The following PTCHD4 variants were observed in gnomAD, a reference collection of about 807,000 sequenced individuals.
PTCHD4 encodes patched domain-containing protein 4.
Under a neutral mutation model 58.1 loss-of-function variants are expected in PTCHD4, and 33 were observed. The ratio of observed to expected loss-of-function variants is 0.57; its 90% CI spans 0.43 to 0.76. PTCHD4 has a LOEUF of 0.76. Ranked by LOEUF, PTCHD4 falls within the 30% of genes least tolerant of loss-of-function variation. The pLI is 0.00. For missense variants in PTCHD4, 1,058 were observed against 1,027.1 expected (o/e 1.03, Z -0.41); for synonymous variants, 478 against 409.6 (o/e 1.17, Z -2.02).
chr6:47,971,524 C>T (rs1164874475), intron 4 of PTCHD4, among the ~76,000 whole-genome samples: 1 of 152,128 alleles, frequency 6.6e-6, no homozygotes, highest in Non-Finnish European at 1.5e-5. Flanking sequence ...AAATTGGCAC[C>T]TGGTACTATA....
chr6:48,058,805 A>T (rs1764509382), intron 3 of PTCHD4, among the ~76,000 whole-genome samples: 1 of 152,214 alleles, frequency 6.6e-6, no homozygotes, highest in African/African-American at 2.4e-5. Context: ...TAGCAAAGAG[A>T]GGTCACATTC....
rs1763718718 is a variant in PTCHD4 at position 47,871,784 on chromosome 6, A to C, written c.*6519T>G. 6.6e-6 allele frequency among the ~76,000 whole-genome samples: 1 copy of C among 151,626 alleles called. No individual in the cohort carries two copies. Among genetic ancestry groups the C allele is most frequent in the Admixed American group, 6.6e-5 (1 of 15,164 alleles). Reference sequence around the variant, plus strand: ...CTCTGCCCTTTTCAATCTGTGACAGATTTCCTAGTTCAGAGCAAAAAAGTC... The same window carrying C: ...CTCTGCCCTTTTCAATCTGTGACAGCTTTCCTAGTTCAGAGCAAAAAAGTC... On this transcript the variant is annotated 3_prime_UTR_variant, in exon 5 of 5. Transcript: ENST00000339488.
Position 47,863,175 on chromosome 6 carries a change from A to G in PTCHD4, c.*15128T>C, listed in dbSNP as rs1763473745. Reference sequence around the variant, plus strand: ...TATGTGGTCCCACATGCAGGGGCAGATCAAAATTTTGTTGAGCCTGAAGTG... The same window carrying G: ...TATGTGGTCCCACATGCAGGGGCAGGTCAAAATTTTGTTGAGCCTGAAGTG... On this transcript the variant is annotated 3_prime_UTR_variant, in exon 5 of 5. Transcript: ENST00000339488. Among the ~76,000 whole-genome samples the G allele has an allele frequency of 2.0e-5, 3 of 151,930 alleles. No homozygotes were observed. Among genetic ancestry groups the G allele is most frequent in the Admixed American group, 6.6e-5 (1 of 15,220 alleles).
intron 1 of PTCHD4, among the ~76,000 whole-genome samples, chr6:48,110,631 CCACACACACACACACACA>C (rs367594403): frequency 7.2e-6 from 1 of 139,272 alleles, no homozygotes; most frequent in South Asian, 2.3e-4. Context: ...GATGGTTTTA[CCACACACACACACACACA>C]CACACACACA....
chr6:48,085,057 TAA>T (rs34861383), intron 1 of PTCHD4, among the ~76,000 whole-genome samples: 17 of 144,856 alleles, frequency 1.2e-4, no homozygotes, highest in Admixed American at 2.1e-4. Flanking sequence ...TACTTCTCAT[TAA>T]AAAAAAAAAA....
chr6:48,065,619 C>G (rs1248282903), intron 3 of PTCHD4, among the ~76,000 whole-genome samples: 3 of 152,116 alleles, frequency 2.0e-5, no homozygotes, highest in South Asian at 2.1e-4. Flanking sequence ...CCCTGGAGAG[C>G]CTTTGACAAG....
intron 1 of PTCHD4, among the ~76,000 whole-genome samples, chr6:48,075,562 C>A (rs761205253): frequency 6.6e-6 from 1 of 151,056 alleles, no homozygotes; most frequent in African/African-American, 2.4e-5. Flanking sequence ...AAACAAAGTA[C>A]AGTTAATATT....
intron 1 of PTCHD4, among the ~76,000 whole-genome samples, chr6:48,108,443 G>T (rs898947416): frequency 1.3e-5 from 2 of 151,954 alleles, no homozygotes; most frequent in African/African-American, 2.4e-5. Flanking sequence ...CACACACCAG[G>T]GACTGTTGTG....
At chr6:48,092,829 T>C (rs558686648) in intron 1 of PTCHD4, among the ~76,000 whole-genome samples, 44 of 152,330 alleles carry the variant, frequency 2.9e-4, no homozygotes, top group African/African-American at 1.0e-3. Flanking sequence ...GCAAGATCCT[T>C]TCATGAACAC....
At chr6:48,049,834 A>ATT (rs1330914968) in intron 3 of PTCHD4, among the ~76,000 whole-genome samples, 3 of 151,996 alleles carry the variant, frequency 2.0e-5, no homozygotes, top group Non-Finnish European at 4.4e-5. Flanking sequence ...TTTATTCACC[A>ATT]TATCTTCAAT....
chr6:47,982,481 C>CTTTTTTTTTTT (rs375869071), intron 4 of PTCHD4, among the ~76,000 whole-genome samples: 2 of 130,794 alleles, frequency 1.5e-5, no homozygotes, highest in Non-Finnish European at 1.6e-5. Flanking sequence ...TTATCTCTCT[C>CTTTTTTTTTTT]TTTTTTTTTT....
In PTCHD4 at chr6:47,869,104, C is replaced by A. The variant is rs140897832; in HGVS notation, c.*9199G>T. Among the ~76,000 whole-genome samples, 2 of 151,782 alleles carry A rather than the reference C, an allele frequency of 1.3e-5. No homozygotes were observed. Among genetic ancestry groups the A allele is most frequent in the Admixed American group, 1.3e-4 (2 of 15,204 alleles). ...AAGTATAATTTTGGCATCAAGTGAC[C>A]TTACATATTTTGAATGTTGGTTATC... On this transcript the variant is annotated 3_prime_UTR_variant, in exon 5 of 5. Transcript: ENST00000339488.
chr6:47,937,916 G>A (rs771031583), intron 4 of PTCHD4, among the ~76,000 whole-genome samples: 4 of 152,146 alleles, frequency 2.6e-5, no homozygotes, highest in Non-Finnish European at 5.9e-5. Context: ...ACTTTGGGAG[G>A]TTGAGGCAGG....
chr6:47,872,745 T>C lies in PTCHD4; in HGVS notation c.*5558A>G, dbSNP rs1277026036. Reference sequence around the variant, plus strand: ...AAAAATATCTACCTTATAGAGGTTTTCAGTTTAAGGTACACTCCCATTTAA... The same window carrying C: ...AAAAATATCTACCTTATAGAGGTTTCCAGTTTAAGGTACACTCCCATTTAA... On this transcript the variant is annotated 3_prime_UTR_variant, in exon 5 of 5. Coordinates refer to ENST00000339488, the MANE Select transcript of PTCHD4 (RefSeq NM_001384253.1). Among the ~76,000 whole-genome samples, 2 of 151,624 alleles carry C rather than the reference T, an allele frequency of 1.3e-5. No individual in the cohort carries two copies. The highest frequency in any genetic ancestry group is 3.0e-5 in the Non-Finnish European group (2 of 67,714).
chr6:47,913,740 G>A (rs1000657380), intron 4 of PTCHD4, among the ~76,000 whole-genome samples: 1 of 152,092 alleles, frequency 6.6e-6, no homozygotes, highest in Admixed American at 6.6e-5. Flanking sequence ...TTATTTCAAA[G>A]AAAAAGTCTA....
At chr6:48,053,974 C>A (rs1764322324) in intron 3 of PTCHD4, among the ~76,000 whole-genome samples, 1 of 152,078 alleles carries the variant, frequency 6.6e-6, no homozygotes, top group Non-Finnish European at 1.5e-5. Context: ...GTTCCCTTAT[C>A]CTCTCATCCC....
At position 47,879,279 on chromosome 6, in the gene PTCHD4, T is replaced by C; in HGVS notation, c.1556A>G (p.Tyr519Cys). The C allele has an allele frequency of 1.2e-6, 2 of 1,612,710 alleles. No homozygotes were observed. Among genetic ancestry groups the C allele is most frequent in the Non-Finnish European group, 8.5e-7 (1 of 1,179,346 alleles). The change falls in exon 5 of 5, where the codon TAC becomes TGC. Residue 519 changes from tyrosine to cysteine, a missense_variant. Tyr to Cys is a radical substitution (Grantham distance 194). Transcript: ENST00000339488. ...FSNYSPVIGF[Y>C]VYEPLEYWNS... ...CCAGTACTCTAGGGGCTCATAGACG[T>C]AGAATCCTATCACAGGGCTATAGTT...
chr6:48,068,537 C>G lies in PTCHD4; in HGVS notation c.110G>C (p.Arg37Pro). 6.2e-7 allele frequency: 1 copy of G among 1,609,274 alleles called. No individual in the cohort carries two copies. Among genetic ancestry groups the G allele is most frequent in the Non-Finnish European group, 8.5e-7 (1 of 1,179,124 alleles). Residue 37 changes from arginine (R) to proline (P), a missense_variant, in exon 3 of 5, where the codon CGG becomes CCG. Transcript: ENST00000339488. The surrounding 1 kb of genome is among the most constrained non-coding windows in gnomAD (Gnocchi z 4.2). ...FCHRLGLCVS[R>P]HPVFFLTVPA... ...CACGGTGAGGAAAAAGACCGGGTGCCGGCTCACGCACAAACCCAGCCTGTG... is the reference window on the plus strand; with the variant it reads ...CACGGTGAGGAAAAAGACCGGGTGCGGGCTCACGCACAAACCCAGCCTGTG...
intron 3 of PTCHD4, among the ~76,000 whole-genome samples, chr6:48,045,475 A>C (rs1764001536): frequency 6.6e-6 from 1 of 151,832 alleles, no homozygotes; most frequent in East Asian, 1.9e-4. Flanking sequence ...GTGACAACAG[A>C]TGCCTAGCAC....
Sources: allele counts gnomAD v4.1 joint callset (sites outside exome capture counted in the v4.1 genomes callset), GRCh38; gene constraint gnomAD v4.1.1; non-coding constraint Gnocchi (gnomAD v3.1); transcripts MANE v1.5; gene names NCBI Gene and HGNC (gene_info 2026-07-23, HGNC 2026-07-21).